The following SLC6A20 variants were observed in gnomAD, a reference collection of about 807,000 sequenced individuals.
SLC6A20 encodes sodium- and chloride-dependent transporter XTRP3.
SLC6A20 carries 73 observed loss-of-function variants against 64.3 expected under a neutral mutation model. The observed-to-expected ratio is 1.14, with a 90% CI of 0.94 to 1.38. SLC6A20 has a LOEUF of 1.38. Among genes scored for constraint, SLC6A20 ranks in the 40% most tolerant of loss-of-function variants. SLC6A20 has a pLI of 0.00. For synonymous variants in SLC6A20, 347 were observed against 329.6 expected (o/e 1.05, Z -0.57); for missense variants, 725 against 772.8 (o/e 0.94, Z 0.73).
intron 7 of SLC6A20, among the ~76,000 whole-genome samples, chr3:45,768,818 T>C (rs775233669): frequency 6.6e-6 from 1 of 152,160 alleles, no homozygotes; most frequent in Non-Finnish European, 1.5e-5. Context: ...AGGAACACTC[T>C]CTAGGAATAA....
intron 1 of SLC6A20, among the ~76,000 whole-genome samples, chr3:45,789,912 T>C (rs1700222588): frequency 6.6e-6 from 1 of 152,202 alleles, no homozygotes; most frequent in African/African-American, 2.4e-5. Flanking sequence ...ATTTCTACGA[T>C]GAACACTCAT....
chr3:45,781,962 G>A, intron 2 of SLC6A20, 121 bp downstream of exon 2: 1 of 1,324,402 alleles, frequency 7.6e-7, no homozygotes, highest in Non-Finnish European at 9.9e-7. Flanking sequence ...CCCCAGGCAA[G>A]AGCTCTCTCT....
In SLC6A20 at chr3:45,765,816, A is replaced by G; in HGVS notation, c.1099-75T>C. 1.3e-6 allele frequency: 2 copies of G among 1,512,548 alleles called. No homozygotes were observed. Among genetic ancestry groups the G allele is most frequent in the Middle Eastern group, 1.7e-4 (1 of 5,794 alleles). 93.7% of individuals were successfully genotyped at this position (1,512,548 alleles called of 1,614,324 possible). A position where few individuals can be genotyped will look rare whatever the true frequency, so the allele number is the denominator to read the frequency against. On this transcript the variant is annotated intron_variant, in intron 7 of 10. Transcript: ENST00000358525. This position sits in a 1 kb window ranked among gnomAD's most constrained non-coding sequence, Gnocchi z 4.2. ...TTATTCACGCACTCAGTACTAAGCA[A>G]CATGGGGGACCTTGGAAGTGGCCAT...
intron 3 of SLC6A20, among the ~76,000 whole-genome samples, chr3:45,777,978 G>A (rs1018637763): frequency 7.2e-5 from 11 of 152,222 alleles, no homozygotes; most frequent in East Asian, 3.9e-4. Flanking sequence ...CCCGCACCCC[G>A]CAACTTCATC....
At chr3:45,780,158 G>T in intron 2 of SLC6A20, 58 bp from the exon 3 acceptor site, 1 of 1,510,680 alleles carries the variant, frequency 6.6e-7, no homozygotes, top group South Asian at 1.2e-5. Context: ...CCCTCCGCCA[G>T]GCCCAGCGTG....
chr3:45,765,778 G>C lies in SLC6A20; in HGVS notation c.1099-37C>G, dbSNP rs752877852. 1.2e-6 allele frequency: 2 copies of C among 1,610,694 alleles called. No individual in the cohort carries two copies. The highest frequency in any genetic ancestry group is 3.3e-5 in the Admixed American group (2 of 59,998). ...GAGAAGACACCAGTTACATGCAAGA[G>C]GGACTTATAGTCTTATTCACGCACT... is the stretch of plus-strand genomic sequence containing the variant. On this transcript the variant is annotated intron_variant, in intron 7 of 10. Coordinates refer to ENST00000358525, the MANE Select transcript of SLC6A20 (RefSeq NM_020208.4). The surrounding 1 kb of genome is among the most constrained non-coding windows in gnomAD (Gnocchi z 4.2).
intron 1 of SLC6A20, among the ~76,000 whole-genome samples, chr3:45,793,146 G>C (rs1700284752): frequency 6.6e-6 from 1 of 152,188 alleles, no homozygotes; most frequent in Non-Finnish European, 1.5e-5. Context: ...AGACAGCAAG[G>C]GCTTTGCAGG....
chr3:45,780,673 C>T (rs558853793), intron 2 of SLC6A20, among the ~76,000 whole-genome samples: 2 of 152,210 alleles, frequency 1.3e-5, no homozygotes, highest in East Asian at 1.9e-4. Flanking sequence ...ACCCAGGGTG[C>T]GGCCTGAGAG....
chr3:45,786,755 G>A (rs1029499842), intron 1 of SLC6A20, among the ~76,000 whole-genome samples: 11 of 152,202 alleles, frequency 7.2e-5, no homozygotes, highest in African/African-American at 1.4e-4. Context: ...GCCAGATGGC[G>A]ATTTCCTAAT....
At position 45,765,655 on chromosome 3, in the gene SLC6A20, G is replaced by A. The variant is rs781306871; in HGVS notation, c.1185C>T (p.Tyr395=). Reference sequence around the variant, plus strand: ...TGCCCAGCATCAGCAGCATGAAGAAGTAGAGCACCGACCACAGCTGGGACA... The same window carrying A: ...TGCCCAGCATCAGCAGCATGAAGAAATAGAGCACCGACCACAGCTGGGACA... ...MEVSQLWSVL[Y]FFMLLMLGIG... Residue 395 remains tyrosine, a synonymous_variant, in exon 8 of 11, where the codon TAC becomes TAT. Transcript: ENST00000358525. The surrounding 1 kb of genome is among the most constrained non-coding windows in gnomAD (Gnocchi z 4.2). 4.3e-6 allele frequency: 7 copies of A among 1,614,234 alleles called. No individual in the cohort carries two copies. The South Asian group carries it at 6.6e-5, about 15-fold the overall frequency.
intron 3 of SLC6A20, among the ~76,000 whole-genome samples, chr3:45,779,596 G>T (rs936612847): frequency 6.6e-6 from 1 of 152,184 alleles, no homozygotes; most frequent in Non-Finnish European, 1.5e-5. Context: ...AGAAGGGGAC[G>T]GGGAGGAAGA....
At chr3:45,790,487 C>T (rs1398330870) in intron 1 of SLC6A20, 2 of 152,124 alleles carry the variant, frequency 1.3e-5, no homozygotes, top group African/African-American at 4.8e-5. Context: ...TGGTCTTCCC[C>T]CAAAAGTTTC....
rs1011344149 is a variant in SLC6A20, at chr3:45,759,231, C to T, written c.1630-104G>A. 3.1e-6 allele frequency: 4 copies of T among 1,272,274 alleles called. No homozygotes were observed. In the East Asian group the frequency reaches 7.9e-5, roughly 25 times the overall value. 78.8% of individuals were successfully genotyped at this position (1,272,274 alleles called of 1,614,324 possible). On this transcript the variant is annotated intron_variant, in intron 10 of 10. Coordinates refer to ENST00000358525, the MANE Select transcript of SLC6A20 (RefSeq NM_020208.4). Reference sequence around the variant, plus strand: ...GAGGTGATGTGACGTGGGCAGAGAGCATGTGGGGCCGGTGTCCTCACTCCT... The same window carrying T: ...GAGGTGATGTGACGTGGGCAGAGAGTATGTGGGGCCGGTGTCCTCACTCCT...
rs1395940909 is a variant in SLC6A20 at position 45,772,632 on chromosome 3, G to A, written c.583-17C>T. ...ATACACCACCTGCGGGCATCAGAGG[G>A]CAGAGTTGGCCTCCCGGAGCAGTGG... On this transcript the variant is annotated splice_polypyrimidine_tract_variant and intron_variant, in intron 4 of 10. Coordinates refer to ENST00000358525, the MANE Select transcript of SLC6A20 (RefSeq NM_020208.4). 6.2e-7 allele frequency: 1 copy of A among 1,603,910 alleles called. No homozygotes were observed. The highest frequency in any genetic ancestry group is 8.5e-7 in the Non-Finnish European group (1 of 1,173,080).
chr3:45,792,609 C>T (rs990361193), intron 1 of SLC6A20, among the ~76,000 whole-genome samples: 1 of 152,172 alleles, frequency 6.6e-6, no homozygotes, highest in Non-Finnish European at 1.5e-5. Flanking sequence ...CAGCACTGTT[C>T]CCTGATCCAT....
At chr3:45,777,800 C>T (rs1699996108) in intron 3 of SLC6A20, among the ~76,000 whole-genome samples, 1 of 152,208 alleles carries the variant, frequency 6.6e-6, no homozygotes, top group Admixed American at 6.5e-5. Flanking sequence ...TGACCTGAGT[C>T]TGTTCCCTGG....
chr3:45,774,501 C>T (rs542288604), intron 4 of SLC6A20, among the ~76,000 whole-genome samples: 1 of 152,306 alleles, frequency 6.6e-6, no homozygotes, highest in Admixed American at 6.5e-5. Context: ...AGCACCTGTG[C>T]TCACTCGTCC....
In SLC6A20 at chr3:45,772,618, G is replaced by A; in HGVS notation, c.583-3C>T. ...AGTGACGCCGTGAAATACACCACCTGCGGGCATCAGAGGGCAGAGTTGGCC... is the reference window on the plus strand; with the variant it reads ...AGTGACGCCGTGAAATACACCACCTACGGGCATCAGAGGGCAGAGTTGGCC... On this transcript the variant is annotated splice_region_variant and splice_polypyrimidine_tract_variant and intron_variant, in intron 4 of 10. Transcript: ENST00000358525. 1 of 1,612,088 alleles carries A rather than the reference G, an allele frequency of 6.2e-7. No individual in the cohort carries two copies. Among genetic ancestry groups the A allele is most frequent in the South Asian group, 1.1e-5 (1 of 90,664 alleles).
At position 45,759,849 on chromosome 3, in the gene SLC6A20, G is replaced by T. The variant is rs1303276696; in HGVS notation, c.1629+8C>A. Reference sequence around the variant, plus strand: ...GCCCAGCGCCAGCCCTACGGAGACAGTAGATACCTGGGAGGCGTCCCAGGC... The same window carrying T: ...GCCCAGCGCCAGCCCTACGGAGACATTAGATACCTGGGAGGCGTCCCAGGC... On this transcript the variant is annotated splice_region_variant and intron_variant, in intron 10 of 10. Transcript: ENST00000358525. The T allele has an allele frequency of 1.9e-6, 3 of 1,611,102 alleles. No homozygotes were observed. Among genetic ancestry groups the T allele is most frequent in the Middle Eastern group, 1.7e-4 (1 of 6,052 alleles).
Sources: allele counts gnomAD v4.1 joint callset (sites outside exome capture counted in the v4.1 genomes callset), GRCh38; gene constraint gnomAD v4.1.1; non-coding constraint Gnocchi (gnomAD v3.1); transcripts MANE v1.5; gene names NCBI Gene and HGNC (gene_info 2026-07-23, HGNC 2026-07-21).